MYO5C: variants seen among roughly 807,000 people sequenced by gnomAD.
The protein encoded by MYO5C is myosin VC.
MYO5C carries 194 observed loss-of-function variants against 235.7 expected under a neutral mutation model. The observed-to-expected ratio is 0.82, with a 90% CI of 0.73 to 0.93. The LOEUF (loss-of-function observed/expected upper bound fraction) is 0.93, where lower values mean the gene tolerates loss of function less well. Ranked by LOEUF, MYO5C falls within the 40% of genes least tolerant of loss-of-function variation. MYO5C has a pLI of 0.00. For synonymous variants in MYO5C, 707 were observed against 754.8 expected (o/e 0.94, Z 1.04); for missense variants, 2,038 against 2,127.2 (o/e 0.96, Z 0.82).
chr15:52,285,801 C>T (rs574024431), intron 1 of MYO5C, among the ~76,000 whole-genome samples: 125 of 152,284 alleles, frequency 8.2e-4, no homozygotes, highest in African/African-American at 2.8e-3. Flanking sequence ...AGTGCAGTGG[C>T]GTGATCTCGG....
At chr15:52,237,362 G>A in intron 22 of MYO5C, 120 bp downstream of exon 22, 1 of 1,276,418 alleles carries the variant, frequency 7.8e-7, no homozygotes, top group Non-Finnish European at 1.1e-6. Context: ...GGTAATGGAA[G>A]TTGATAGCAA....
At chr15:52,252,294 A>T (rs2036488120) in intron 12 of MYO5C, among the ~76,000 whole-genome samples, 1 of 152,178 alleles carries the variant, frequency 6.6e-6, no homozygotes, top group Admixed American at 6.5e-5. Context: ...GAATGGGAAA[A>T]GACTGGCACC....
intron 6 of MYO5C, 26 bp downstream of exon 6, chr15:52,272,554 T>A (rs1198549211): frequency 6.2e-7 from 1 of 1,609,342 alleles, no homozygotes; most frequent in Non-Finnish European, 8.5e-7. Flanking sequence ...CTCAAAAAGT[T>A]GGGGAAAAGG....
rs1406147002 is a variant in MYO5C at position 52,194,067 on chromosome 15, T to A, written c.5077-13A>T. 2 of 1,603,766 alleles carry A rather than the reference T, an allele frequency of 1.2e-6. No homozygotes were observed. Among genetic ancestry groups the A allele is most frequent in the South Asian group, 1.1e-5 (1 of 88,454 alleles). Reference sequence around the variant, plus strand: ...TATTTAGGAGAGCCTGAAATTAGAATCAGAGGAAAAATGAGTAAGGAAACT... The same window carrying A: ...TATTTAGGAGAGCCTGAAATTAGAAACAGAGGAAAAATGAGTAAGGAAACT... On this transcript the variant is annotated splice_polypyrimidine_tract_variant and intron_variant, in intron 40 of 40. Transcript: ENST00000261839.
rs1187365755 is a variant in MYO5C, at chr15:52,225,425, C to T, written c.3301+14G>A. ...GTCTGCACCCATGGACTAAGAGACT[C>T]ATATTTTTATTACCTCTCATTTCCC... On this transcript the variant is annotated intron_variant, in intron 26 of 40. Coordinates refer to ENST00000261839, the MANE Select transcript of MYO5C (RefSeq NM_018728.4). 1 of 1,580,856 alleles carries T rather than the reference C, an allele frequency of 6.3e-7. No homozygotes were observed. Among genetic ancestry groups the T allele is most frequent in the South Asian group, 1.1e-5 (1 of 90,364 alleles).
rs932016029 is a variant in MYO5C at position 52,192,911 on chromosome 15, T to C, written c.*991A>G. 1.3e-5 allele frequency: 2 copies of C among 152,200 alleles called. No individual in the cohort carries two copies. The highest frequency in any genetic ancestry group is 2.4e-5 in the African/African-American group (1 of 41,442). 9.4% of individuals were successfully genotyped at this position (152,200 alleles called of 1,614,324 possible). On this transcript the variant is annotated 3_prime_UTR_variant, in exon 41 of 41. Transcript: ENST00000261839. Reference sequence around the variant, plus strand: ...TTGGCAGGTAAGATTTGAAGTTCTTTCAGAGAAGATAAACGGCATGGCAAT... The same window carrying C: ...TTGGCAGGTAAGATTTGAAGTTCTTCCAGAGAAGATAAACGGCATGGCAAT...
intron 32 of MYO5C, among the ~76,000 whole-genome samples, chr15:52,217,397 G>A (rs2035580153): frequency 6.6e-6 from 1 of 152,222 alleles, no homozygotes; most frequent in African/African-American, 2.4e-5. Flanking sequence ...GGGACAGTCA[G>A]AGTAAAGGAT....
At chr15:52,256,588 C>CGCGCGCGT (rs1555417658) in intron 11 of MYO5C, 51 bp downstream of exon 11, 8 of 1,168,386 alleles carry the variant, frequency 6.8e-6, no homozygotes, top group Non-Finnish European at 9.3e-6. Context: ...CACACACACA[C>CGCGCGCGT]GCGCGCGCGC....
At chr15:52,260,534 C>G (rs1279572883) in intron 10 of MYO5C, among the ~76,000 whole-genome samples, 2 of 152,184 alleles carry the variant, frequency 1.3e-5, no homozygotes, top group Non-Finnish European at 2.9e-5. Context: ...TCTTTCTAAG[C>G]CTTGGTTGTT....
chr15:52,287,982 A>G (rs1397433078), intron 1 of MYO5C, among the ~76,000 whole-genome samples: 1 of 152,124 alleles, frequency 6.6e-6, no homozygotes, highest in Non-Finnish European at 1.5e-5. Context: ...GTCTCAAAAA[A>G]AAAAAAAAAT....
At chr15:52,264,715 T>C (rs575074358) in intron 8 of MYO5C, among the ~76,000 whole-genome samples, 8 of 152,366 alleles carry the variant, frequency 5.3e-5, no homozygotes, top group Admixed American at 1.3e-4. Context: ...CCAGATTCTC[T>C]GCTCTCTGCC....
chr15:52,194,857 T>C (rs574829019), intron 40 of MYO5C, among the ~76,000 whole-genome samples: 4 of 152,056 alleles, frequency 2.6e-5, no homozygotes, highest in African/African-American at 4.8e-5. Context: ...CAGATAACTA[T>C]TGAGAAAATC....
At chr15:52,195,775 T>G (rs972185729) in intron 39 of MYO5C, among the ~76,000 whole-genome samples, 13 of 151,766 alleles carry the variant, frequency 8.6e-5, no homozygotes, top group African/African-American at 3.2e-4. Flanking sequence ...TCATAGACAT[T>G]TGTGTATATG....
In MYO5C at chr15:52,192,405, CTCAA is replaced by C. The variant is rs1195641381; in HGVS notation, c.*1493_*1496del. The C allele has an allele frequency of 6.6e-6, 1 of 152,080 alleles. No homozygotes were observed. Among genetic ancestry groups the C allele is most frequent in the Non-Finnish European group, 1.5e-5 (1 of 68,008 alleles). 9.4% of individuals were successfully genotyped at this position (152,080 alleles called of 1,614,324 possible). A position where few individuals can be genotyped will look rare whatever the true frequency, so the allele number is the denominator to read the frequency against. The stretch of plus-strand genomic sequence containing the variant: ...GTACAATGTATTGAAATGAACTAAA[CTCAA>C]TCACTTATAATATAAAAAGACATTA... On this transcript the variant is annotated 3_prime_UTR_variant, in exon 41 of 41. Transcript: ENST00000261839.
At chr15:52,218,817 G>T in intron 31 of MYO5C, 130 bp from the exon 32 acceptor site, 1 of 893,400 alleles carries the variant, frequency 1.1e-6, no homozygotes, top group Non-Finnish European at 1.7e-6. Flanking sequence ...AAAGCAAATA[G>T]TATTCGAATA....
chr15:52,273,600 C>T (rs879281960), intron 5 of MYO5C, among the ~76,000 whole-genome samples: 8 of 152,062 alleles, frequency 5.3e-5, no homozygotes, highest in Non-Finnish European at 8.8e-5. Context: ...GTAAGGGTAC[C>T]GTGAGAAGAC....
intron 38 of MYO5C, among the ~76,000 whole-genome samples, chr15:52,203,926 A>T (rs2035243400): frequency 6.6e-6 from 1 of 152,200 alleles, no homozygotes; most frequent in Admixed American, 6.5e-5. Context: ...TAGCATAATG[A>T]TAGATACTTT....
At chr15:52,222,263 C>A (rs766407134) in intron 29 of MYO5C, among the ~76,000 whole-genome samples, 8 of 152,202 alleles carry the variant, frequency 5.3e-5, no homozygotes, top group Non-Finnish European at 1.2e-4. Flanking sequence ...AATTGGGTCT[C>A]ACTGCAAATT....
chr15:52,246,100 A>T (rs1244267055), intron 16 of MYO5C, 58 bp from the exon 17 acceptor site: 2 of 1,376,526 alleles, frequency 1.5e-6, no homozygotes, highest in African/African-American at 1.4e-5. Context: ...ACATGCCCAT[A>T]AACAGGCACA....
Sources: gnomAD v4.1 joint callset for allele counts (sites outside exome capture counted in the v4.1 genomes callset) on GRCh38, gnomAD v4.1.1 for gene constraint, MANE v1.5 for transcripts, NCBI Gene and HGNC (gene_info 2026-07-23, HGNC 2026-07-21) for gene names.